PDIA6: variants seen among roughly 807,000 people sequenced by gnomAD.
The protein encoded by PDIA6 is protein disulfide-isomerase A6.
PDIA6 carries 29 observed loss-of-function variants against 58.4 expected under a neutral mutation model. The observed-to-expected ratio is 0.50, with a 90% CI of 0.37 to 0.68. The LOEUF (loss-of-function observed/expected upper bound fraction) is 0.68. Ranked by LOEUF, PDIA6 falls within the 30% of genes least tolerant of loss-of-function variation. The pLI is 0.00. For missense variants in PDIA6, 480 were observed against 551.0 expected (o/e 0.87, Z 1.29); for synonymous variants, 192 against 202.6 (o/e 0.95, Z 0.44).
intron 2 of PDIA6, among the ~76,000 whole-genome samples, chr2:10,798,573 CAAAA>C (rs71392259): frequency 0.093 from 12,417 of 133,192 alleles, 638 homozygotes; most frequent in South Asian, 0.16. Flanking sequence ...GTCCCCCACC[CAAAA>C]AAAAAAAAAA....
intron 1 of PDIA6, among the ~76,000 whole-genome samples, chr2:10,825,215 G>C (rs1009773782): frequency 6.6e-6 from 1 of 151,714 alleles, no homozygotes; most frequent in Non-Finnish European, 1.5e-5. Context: ...TGGACCTTGC[G>C]ATCATGTGAG....
upstream of PDIA6, among the ~76,000 whole-genome samples, chr2:10,813,768 T>G (rs1034156147): frequency 6.6e-6 from 1 of 152,116 alleles, no homozygotes; most frequent in Non-Finnish European, 1.5e-5. Flanking sequence ...CCCGAGAAGC[T>G]GGGATGACAG....
At chr2:10,806,649 A>AGAAAGAAAGAAAGAAGGAAGGAAGG (rs1283823871) in intron 1 of PDIA6, among the ~76,000 whole-genome samples, 1 of 134,184 alleles carries the variant, frequency 7.5e-6, no homozygotes, top group Admixed American at 7.6e-5. Flanking sequence ...AAAGAAAGAA[A>AGAAAGAAAGAAAGAAGGAAGGAAGG]AACGTTACAG....
At chr2:10,784,389 C>A in intron 12 of PDIA6, 63 bp from the exon 13 acceptor site, 1 of 1,349,874 alleles carries the variant, frequency 7.4e-7, no homozygotes, top group Non-Finnish European at 1.0e-6. Flanking sequence ...AGGTCAACAT[C>A]TCATTTTATG....
At chr2:10,785,204 C>T (rs775945469) in intron 11 of PDIA6, 174 bp from the exon 12 acceptor site, 23 of 568,764 alleles carry the variant, frequency 4.0e-5, no homozygotes, top group Admixed American at 1.3e-4. Context: ...TTTTTAATCA[C>T]GGACAACATT....
At chr2:10,837,271 C>A (rs758416894), upstream of PDIA6, among the ~76,000 whole-genome samples, 1 of 152,180 alleles carries the variant, frequency 6.6e-6, no homozygotes, top group African/African-American at 2.4e-5. Flanking sequence ...GAGGGGCTGA[C>A]GTCCTCACAA....
At chr2:10,816,077 C>CTTTTTTTTTTTTTTTTTTT (rs57404091), upstream of PDIA6, among the ~76,000 whole-genome samples, 3 of 96,472 alleles carry the variant, frequency 3.1e-5, no homozygotes, top group African/African-American at 9.0e-5. Flanking sequence ...AATCATTTGT[C>CTTTTTTTTTTTTTTTTTTT]TTTTTTTTTT....
chr2:10,829,555 T>C (rs989258667), intron 1 of PDIA6, among the ~76,000 whole-genome samples: 6 of 152,136 alleles, frequency 3.9e-5, no homozygotes, highest in Admixed American at 6.5e-5. Context: ...GGGGTGGAGA[T>C]TAGAAACAAT....
chr2:10,790,635 C>CCT, intron 7 of PDIA6, 84 bp downstream of exon 7: 1 of 936,846 alleles, frequency 1.1e-6, no homozygotes, highest in Non-Finnish European at 1.7e-6. Context: ...TCCTTTACTA[C>CCT]CTCATAGGGA....
chr2:10,790,143 T>TA (rs886218825), intron 7 of PDIA6, among the ~76,000 whole-genome samples: 16 of 151,976 alleles, frequency 1.1e-4, no homozygotes, highest in African/African-American at 3.6e-4. Flanking sequence ...CACACCCGGC[T>TA]AATATTTGTA....
chr2:10,812,401 C>A (rs1441300365), intron 1 of PDIA6, among the ~76,000 whole-genome samples: 1 of 149,274 alleles, frequency 6.7e-6, no homozygotes, highest in African/African-American at 2.4e-5. Flanking sequence ...GCGGCTCTCC[C>A]GCCCGGCCCT....
At chr2:10,789,943 C>T in intron 7 of PDIA6, 54 bp from the exon 8 acceptor site, 2 of 1,509,022 alleles carry the variant, frequency 1.3e-6, no homozygotes, top group Non-Finnish European at 9.1e-7. Flanking sequence ...TGCAAAATAA[C>T]ACAATCTTTA....
At chr2:10,801,405 T>A (rs1572673820) in intron 2 of PDIA6, among the ~76,000 whole-genome samples, 1 of 152,352 alleles carries the variant, frequency 6.6e-6, no homozygotes, top group East Asian at 1.9e-4. Flanking sequence ...CTTGCAGAGT[T>A]TTCTCTTGTA....
chr2:10,806,045 CG>C (rs1173046914), intron 1 of PDIA6, among the ~76,000 whole-genome samples: 13,457 of 107,470 alleles, frequency 0.13, 1,170 homozygotes, highest in Non-Finnish European at 0.19. Flanking sequence ...AAAAAAAAAA[CG>C]AAAAAAACCT....
At chr2:10,787,497 A>C (rs1459475653) in intron 10 of PDIA6, 58 bp from the exon 11 acceptor site, 2 of 1,467,686 alleles carry the variant, frequency 1.4e-6, no homozygotes, top group Non-Finnish European at 1.9e-6. Context: ...TTACGATCTA[A>C]CTAGAAGATC....
rs369784032 is a variant in PDIA6, at chr2:10,802,589, C to T, written c.71G>A (p.Ser24Asn). Residue 24 changes from serine (S) to asparagine (N), a missense_variant, in exon 2 of 13, where the codon AGT becomes AAT. Transcript: ENST00000272227. ...FLAVNGLYSS[S>N]DDVIELTPSN... ...TGGAGTTAATTCGATCACATCATCA[C>T]TAGAGGAATACAGACCATTCACTGC... 1 of 1,502,526 alleles carries T rather than the reference C, an allele frequency of 6.7e-7. No homozygotes were observed. The highest frequency in any genetic ancestry group is 8.9e-7 in the Non-Finnish European group (1 of 1,127,314). The allele number at this position is 1,502,526 out of a possible 1,614,324, so 93.1% of individuals were successfully genotyped here. A position where few individuals can be genotyped will look rare whatever the true frequency, so the allele number is the denominator to read the frequency against.
At chr2:10,813,651 T>TGGGGCCCTCACCGGC (rs2148568585), upstream of PDIA6, among the ~76,000 whole-genome samples, 1 of 149,178 alleles carries the variant, frequency 6.7e-6, no homozygotes, top group African/African-American at 2.5e-5. Flanking sequence ...TTGCTTTTTT[T>TGGGGCCCTCACCGGC]TGAGATGGAG....
intron 10 of PDIA6, among the ~76,000 whole-genome samples, chr2:10,787,713 AG>A (rs766471237): frequency 3.9e-5 from 6 of 152,116 alleles, no homozygotes; most frequent in African/African-American, 4.8e-5. Context: ...GAGGGACAAC[AG>A]GGGGCGCTAG....
intron 1 of PDIA6, among the ~76,000 whole-genome samples, chr2:10,804,273 T>C (rs571120883): frequency 1.6e-4 from 24 of 151,968 alleles, no homozygotes; most frequent in Middle Eastern, 3.4e-3. Flanking sequence ...GAAAAAAACC[T>C]ACGTTTTCTT....
Sources: gnomAD v4.1 joint callset for allele counts (sites outside exome capture counted in the v4.1 genomes callset) on GRCh38, gnomAD v4.1.1 for gene constraint, MANE v1.5 for transcripts, NCBI Gene and HGNC (gene_info 2026-07-23, HGNC 2026-07-21) for gene names.